The following KCNA6 variants were observed in gnomAD, a reference collection of about 807,000 sequenced individuals.
KCNA6 encodes the protein potassium voltage-gated channel subfamily A member 6, also known as human brain potassium channel-2.
A neutral mutation model predicts 29.5 loss-of-function variants in KCNA6; 17 were observed. The ratio of observed to expected loss-of-function variants is 0.58; its 90% CI spans 0.39 to 0.86. KCNA6 has a LOEUF of 0.86. Among genes scored for constraint, KCNA6 ranks in the 40% least tolerant of loss-of-function variants. KCNA6 has a pLI of 0.00. For synonymous variants in KCNA6, 296 were observed against 304.7 expected, an observed-to-expected ratio of 0.97 and a Z score of 0.30; for missense variants, 450 against 703.4, an observed-to-expected ratio of 0.64 and a Z score of 4.07.
At chr12:4,843,964 A>G in the KCNA6 span, among the ~76,000 whole-genome samples, 4 of 152,178 alleles carry the variant, frequency 2.6e-5, no homozygotes, top group Admixed American at 2.0e-4. Flanking sequence ...TCAATAGTAT[A>G]AGGCTTCCAA....
chr12:4,841,432 G>A, the KCNA6 span, among the ~76,000 whole-genome samples: 2 of 152,120 alleles, frequency 1.3e-5, no homozygotes, highest in Non-Finnish European at 2.9e-5. Flanking sequence ...ACAAAGCATA[G>A]TTGTTAAAAC....
At chr12:4,820,078 T>C in the KCNA6 span, among the ~76,000 whole-genome samples, 5 of 152,180 alleles carry the variant, frequency 3.3e-5, no homozygotes, top group African/African-American at 1.2e-4. Context: ...TGCAGTTTTG[T>C]TCTCTGAAAT....
Position 4,810,959 on chromosome 12 carries a change from C to G in KCNA6, c.918C>G (p.Pro306=), listed in dbSNP as rs1027273871. The change falls in exon 1 of 1, where the codon CCC becomes CCG. Residue 306 remains proline, a synonymous_variant. Coordinates refer to ENST00000280684, the Ensembl canonical transcript of KCNA6. This position sits in a 1 kb window ranked among gnomAD's most constrained non-coding sequence, Gnocchi z 7.5. ...TCATTGACTTGGTGGCTATCTTCCC[C>G]TACTTCATCACCCTGGGCACTGAGC... 2 of 1,614,150 alleles carry G rather than the reference C, an allele frequency of 1.2e-6. No homozygotes were observed. The highest frequency in any genetic ancestry group is 2.7e-5 in the African/African-American group (2 of 74,940).
chr12:4,834,807 C>G, the KCNA6 span, among the ~76,000 whole-genome samples: 1 of 152,154 alleles, frequency 6.6e-6, no homozygotes, highest in East Asian at 1.9e-4. Flanking sequence ...GTGACAAGCT[C>G]TTTTACAGCT....
chr12:4,834,362 G>A, the KCNA6 span, among the ~76,000 whole-genome samples: 2 of 152,146 alleles, frequency 1.3e-5, no homozygotes, highest in African/African-American at 2.4e-5. Context: ...AGAAACTTAC[G>A]TCGTGTCTTG....
At chr12:4,837,092 G>A in the KCNA6 span, among the ~76,000 whole-genome samples, 33 of 152,158 alleles carry the variant, frequency 2.2e-4, no homozygotes, top group Non-Finnish European at 4.1e-4. Context: ...GGGGTGAGGG[G>A]CTGAAGGTCA....
At chr12:4,813,451 G>C (rs1946652439), downstream of KCNA6, 1 of 167,164 alleles carries the variant, frequency 6.0e-6, no homozygotes, top group Non-Finnish European at 1.5e-5. Flanking sequence ...TTCCCCCAGA[G>C]TTCCTGCTTT....
At chr12:4,823,721 T>C in the KCNA6 span, among the ~76,000 whole-genome samples, 1 of 152,150 alleles carries the variant, frequency 6.6e-6, no homozygotes, top group Non-Finnish European at 1.5e-5. Flanking sequence ...GAGCTGAGAC[T>C]GCGCCACTGC....
chr12:4,836,116 T>G, the KCNA6 span, among the ~76,000 whole-genome samples: 3 of 150,990 alleles, frequency 2.0e-5, no homozygotes, highest in African/African-American at 7.3e-5. Flanking sequence ...TTTTTTTTTT[T>G]TTTTTGTATT....
the KCNA6 span, among the ~76,000 whole-genome samples, chr12:4,831,342 T>G: frequency 1.1e-4 from 17 of 152,102 alleles, no homozygotes; most frequent in Non-Finnish European, 2.1e-4. Flanking sequence ...TCACAATAAC[T>G]CGTTATCACC....
At chr12:4,832,125 G>A in the KCNA6 span, among the ~76,000 whole-genome samples, 2 of 152,174 alleles carry the variant, frequency 1.3e-5, no homozygotes, top group African/African-American at 2.4e-5. Context: ...TGGGACCAGA[G>A]AACAGGGGCC....
chr12:4,820,546 AACAC>A, the KCNA6 span, among the ~76,000 whole-genome samples: 29,427 of 134,496 alleles, frequency 0.22, 3,098 homozygotes, highest in Admixed American at 0.32. Context: ...GGATTACCTA[AACAC>A]ACACACACAC....
chr12:4,843,274 G>A, the KCNA6 span, among the ~76,000 whole-genome samples: 6 of 151,138 alleles, frequency 4.0e-5, no homozygotes, highest in African/African-American at 1.5e-4. Flanking sequence ...TCCGCCTCCC[G>A]GGTTCACACC....
At position 4,810,172 on chromosome 12, in the gene KCNA6, T is replaced by C. The variant is rs746679718; in HGVS notation, c.131T>C (p.Val44Ala). 1.1e-5 allele frequency: 18 copies of C among 1,608,392 alleles called. No homozygotes were observed. The highest frequency in any genetic ancestry group is 1.5e-5 in the Non-Finnish European group (18 of 1,178,296). Residue 44 changes from valine (V) to alanine (A), a missense_variant, in exon 1 of 1, where the codon GTG becomes GCG. This residue lies in a region of KCNA6 where 72 missense variants were observed against 64.2 expected (regional missense o/e 1.12). Coordinates refer to ENST00000280684, the Ensembl canonical transcript of KCNA6. The surrounding 1 kb of genome is among the most constrained non-coding windows in gnomAD (Gnocchi z 7.5). ...GGCTGCTGTAGTAGCGAGCGGCTGGTGATCAATATCTCCGGGCTGCGCTTT... is the reference window on the plus strand; with the variant it reads ...GGCTGCTGTAGTAGCGAGCGGCTGGCGATCAATATCTCCGGGCTGCGCTTT...
exon 1 of KCNA6, chr12:4,812,100 A>G (rs977195660): frequency 5.6e-6 from 1 of 177,058 alleles, no homozygotes; most frequent in Admixed American, 5.9e-5. Flanking sequence ...CAGAAGCAGT[A>G]CTCAACTTGC....
rs781528630 is a variant in KCNA6 at position 4,810,086 on chromosome 12, C to T, written c.45C>T (p.Val15=). The change falls in exon 1 of 1, where the codon GTC becomes GTT. Residue 15 remains valine (V), a synonymous_variant. Coordinates refer to ENST00000280684, the Ensembl canonical transcript of KCNA6. The surrounding 1 kb of genome is among the most constrained non-coding windows in gnomAD (Gnocchi z 7.5). ...TTACGCTGGCGGCGCCGGGGGAGGT[C>T]CGTGGGCCGGAGGGAGAGCAACAGG... The T allele has an allele frequency of 2.7e-5, 42 of 1,558,512 alleles. No homozygotes were observed. The highest frequency in any genetic ancestry group is 3.2e-5 in the Non-Finnish European group (37 of 1,154,706).
the KCNA6 span, among the ~76,000 whole-genome samples, chr12:4,830,899 CAACTGAGACGAA>C: frequency 6.6e-6 from 1 of 152,334 alleles, no homozygotes; most frequent in East Asian, 1.9e-4. Context: ...AGCAGCCTTG[CAACTGAGACGAA>C]GCCACCCCCT....
downstream of KCNA6, chr12:4,814,266 AG>A (rs1371132956): frequency 6.0e-6 from 1 of 167,110 alleles, no homozygotes; most frequent in Non-Finnish European, 1.5e-5. This position sits in a 1 kb window ranked among gnomAD's most constrained non-coding sequence, Gnocchi z 4.6. Flanking sequence ...CAAGCTGTCG[AG>A]GGGAGCCCTT....
At chr12:4,821,758 C>A in the KCNA6 span, among the ~76,000 whole-genome samples, 1 of 152,200 alleles carries the variant, frequency 6.6e-6, no homozygotes. Context: ...GGGACAGCGG[C>A]CCCCTGCAGA....
Sources: allele counts gnomAD v4.1 joint callset (sites outside exome capture counted in the v4.1 genomes callset), GRCh38; gene constraint gnomAD v4.1.1; regional missense constraint gnomAD v4.1.1; non-coding constraint Gnocchi (gnomAD v3.1); transcripts MANE v1.5; gene names NCBI Gene and HGNC (gene_info 2026-07-23, HGNC 2026-07-21).